The following ESRRG variants were observed in gnomAD, a reference collection of about 807,000 sequenced individuals.
ESRRG encodes estrogen related receptor gamma.
In ESRRG, 13 loss-of-function variants were observed where a neutral mutation model predicts 44.0. The observed-to-expected ratio is 0.30, with a 90% CI of 0.19 to 0.47. The LOEUF (loss-of-function observed/expected upper bound fraction) is 0.47. Among genes scored for constraint, ESRRG ranks in the 20% least tolerant of loss-of-function variants. ESRRG has a pLI of 1.00. For synonymous variants in ESRRG, 215 were observed against 214.6 expected (o/e 1.00, Z -0.02); for missense variants, 395 against 580.6 (o/e 0.68, Z 3.29).
intron 1 of ESRRG, among the ~76,000 whole-genome samples, chr1:216,720,765 C>T (rs1403634912): frequency 6.6e-6 from 1 of 152,086 alleles, no homozygotes; most frequent in East Asian, 1.9e-4. Context: ...TTGTGTAGCT[C>T]CAAACACGAA....
chr1:216,690,577 G>T (rs1219290641), intron 1 of ESRRG, among the ~76,000 whole-genome samples: 1 of 152,026 alleles, frequency 6.6e-6, no homozygotes, highest in Non-Finnish European at 1.5e-5. Context: ...TAACTGCACA[G>T]AAAATATGTC....
chr1:216,555,750 G>C lies in ESRRG; in HGVS notation c.862+8469C>G, dbSNP rs188130082. 3.3e-3 allele frequency among the ~76,000 whole-genome samples: 499 copies of C among 152,164 alleles called. 4 individuals carry two copies. The highest frequency in any genetic ancestry group is 0.01 in the Middle Eastern group (3 of 294). On this transcript the variant is annotated intron_variant, in intron 5 of 6. Transcript: ENST00000408911. ...AAGTCAATTTAGTGCATTTCACTTT[G>C]CTGAATAAATCAGAGGCGAAATCCT...
At chr1:216,606,994 A>C (rs1235431988) in intron 3 of ESRRG, among the ~76,000 whole-genome samples, 1 of 152,212 alleles carries the variant, frequency 6.6e-6, no homozygotes, top group Non-Finnish European at 1.5e-5. Context: ...TGATCTGTAG[A>C]TATTCTAGGG....
At chr1:217,106,382 A>T (rs2092596205) in intron 1 of ESRRG, among the ~76,000 whole-genome samples, 1 of 139,678 alleles carries the variant, frequency 7.2e-6, no homozygotes. Context: ...CTATTCACAC[A>T]CTCACATATG....
chr1:216,701,701 T>C, intron 1 of ESRRG, among the ~76,000 whole-genome samples: 1 of 152,230 alleles, frequency 6.6e-6, no homozygotes, highest in Non-Finnish European at 1.5e-5. Context: ...CCTTACCTCC[T>C]GACTTATGAA....
intron 2 of ESRRG, among the ~76,000 whole-genome samples, chr1:216,675,494 C>T (rs2075945261): frequency 6.6e-6 from 1 of 152,172 alleles, no homozygotes; most frequent in Non-Finnish European, 1.5e-5. Flanking sequence ...ACTTTGAAAA[C>T]TAGTACGTCA....
chr1:217,020,644 A>G (rs1158453632), intron 1 of ESRRG, among the ~76,000 whole-genome samples: 1 of 152,180 alleles, frequency 6.6e-6, no homozygotes, highest in East Asian at 1.9e-4. Flanking sequence ...CAAGGACAAG[A>G]AGAACAAGAA....
At chr1:216,603,945 C>CAAAAAAACAAAAAAAA (rs2059585273) in intron 3 of ESRRG, among the ~76,000 whole-genome samples, 1 of 127,324 alleles carries the variant, frequency 7.9e-6, no homozygotes, top group East Asian at 2.3e-4. Flanking sequence ...AACAAAAAAA[C>CAAAAAAACAAAAAAAA]AAAAAAAAAA....
At chr1:216,842,824 GA>G (rs2148889524) in intron 2 of ESRRG, among the ~76,000 whole-genome samples, 1 of 152,262 alleles carries the variant, frequency 6.6e-6, no homozygotes, top group South Asian at 2.1e-4. Flanking sequence ...AAAGAGTGTT[GA>G]AAACTGCTTT....
chr1:216,841,791 A>T (rs908140882), intron 2 of ESRRG, among the ~76,000 whole-genome samples: 1 of 152,190 alleles, frequency 6.6e-6, no homozygotes, highest in Non-Finnish European at 1.5e-5. Context: ...ATGTTGGTTC[A>T]TCTGGGTTCA....
Position 217,051,214 on chromosome 1 carries a change from G to GGA in ESRRG, c.-106+38292_-106+38293insTC, listed in dbSNP as rs1031925834. Among the ~76,000 whole-genome samples the GGA allele has an allele frequency of 1.1e-4, 13 of 116,070 alleles. 1 individual carries two copies. Among genetic ancestry groups the GGA allele is most frequent in the African/African-American group, 2.7e-4 (8 of 30,058 alleles). 76.1% of individuals were successfully genotyped at this position (116,070 alleles called of 152,430 possible). A position where few individuals can be genotyped will look rare whatever the true frequency, so the allele number is the denominator to read the frequency against. ...AGTGGATAATGGGGGCGGGGGGGGG[G>GGA]GGTGCCAGGGGAATTGTAAGACTGG... On this transcript the variant is annotated intron_variant, in intron 1 of 7. Coordinates refer to the ESRRG transcript ENST00000359162.
chr1:216,837,250 A>C (rs2095580106), intron 2 of ESRRG, among the ~76,000 whole-genome samples: 1 of 152,012 alleles, frequency 6.6e-6, no homozygotes. Flanking sequence ...TCTACTAAAA[A>C]TACAAAAAAA....
chr1:216,612,951 C>A (rs942853013), intron 3 of ESRRG, among the ~76,000 whole-genome samples: 18 of 152,248 alleles, frequency 1.2e-4, no homozygotes, highest in Middle Eastern at 3.4e-3. Flanking sequence ...TCTTCAGGGG[C>A]CTTCTCCTCT....
chr1:216,688,997 C>T (rs2078559571), intron 1 of ESRRG, among the ~76,000 whole-genome samples: 1 of 152,080 alleles, frequency 6.6e-6, no homozygotes, highest in Non-Finnish European at 1.5e-5. Context: ...ATTAACTTCC[C>T]TCAATCTAAG....
At chr1:216,962,476 C>T (rs570716968) in intron 1 of ESRRG, among the ~76,000 whole-genome samples, 2 of 152,320 alleles carry the variant, frequency 1.3e-5, no homozygotes, top group African/African-American at 4.8e-5. Flanking sequence ...TGTAAATGAA[C>T]ATTTCAGGCT....
At chr1:216,793,571 C>T (rs2094387632) in intron 2 of ESRRG, among the ~76,000 whole-genome samples, 1 of 152,066 alleles carries the variant, frequency 6.6e-6, no homozygotes, top group African/African-American at 2.4e-5. Flanking sequence ...TGACTGCAGC[C>T]CTGCCCAACA....
At chr1:216,821,112 G>A (rs1455712051) in intron 2 of ESRRG, among the ~76,000 whole-genome samples, 1 of 152,124 alleles carries the variant, frequency 6.6e-6, no homozygotes, top group Non-Finnish European at 1.5e-5. Context: ...AATACATAGG[G>A]TTAGGCCAAG....
chr1:216,507,498 C>G (rs1381193741), intron 6 of ESRRG, among the ~76,000 whole-genome samples: 4 of 152,120 alleles, frequency 2.6e-5, no homozygotes, highest in Middle Eastern at 3.2e-3. Context: ...TATTCATTGT[C>G]TCATCCAGGT....
intron 2 of ESRRG, among the ~76,000 whole-genome samples, chr1:216,675,313 T>C (rs2075901679): frequency 6.6e-6 from 1 of 151,418 alleles, no homozygotes. Context: ...TGAGCCGAGA[T>C]CATGCCATTG....
Sources: allele counts gnomAD v4.1 joint callset (sites outside exome capture counted in the v4.1 genomes callset), GRCh38; gene constraint gnomAD v4.1.1; transcripts MANE v1.5; gene names NCBI Gene and HGNC (gene_info 2026-07-23, HGNC 2026-07-21).